The following NXPE2 variants were observed in gnomAD, a reference collection of about 807,000 sequenced individuals.
NXPE2 encodes NXPE family member 2.
A neutral mutation model predicts 34.4 loss-of-function variants in NXPE2; 34 were observed. The observed-to-expected ratio is 0.99, with a 90% confidence interval of 0.75 to 1.31. The LOEUF is 1.31. NXPE2 is among the 40% of genes most tolerant of loss of function. NXPE2 has a pLI of 0.00. For synonymous variants in NXPE2, 235 were observed against 231.3 expected (o/e 1.02, Z -0.15); for missense variants, 649 against 672.5 (o/e 0.97, Z 0.39).
the NXPE2 span, among the ~76,000 whole-genome samples, chr11:114,533,551 A>G: frequency 6.6e-6 from 1 of 152,202 alleles, no homozygotes; most frequent in Non-Finnish European, 1.5e-5. Context: ...GAAAGGGGTG[A>G]CAGATGGCAC....
At chr11:114,624,946 C>T in the NXPE2 span, among the ~76,000 whole-genome samples, 8 of 152,048 alleles carry the variant, frequency 5.3e-5, no homozygotes, top group Non-Finnish European at 1.0e-4. Context: ...CGTGTTGCCT[C>T]GTGAGTAACC....
chr11:114,476,348 C>T, the NXPE2 span, among the ~76,000 whole-genome samples: 6 of 152,248 alleles, frequency 3.9e-5, no homozygotes, highest in Admixed American at 6.5e-5. Context: ...CTTCAGGAGA[C>T]CCATTGCAAC....
the NXPE2 span, among the ~76,000 whole-genome samples, chr11:114,605,068 CCAG>C: frequency 6.1e-4 from 93 of 151,736 alleles, no homozygotes; most frequent in African/African-American, 2.1e-3. Context: ...CCACTGTTAC[CCAG>C]TGGATAATAA....
At chr11:114,778,677 G>A in the NXPE2 span, among the ~76,000 whole-genome samples, 1 of 152,176 alleles carries the variant, frequency 6.6e-6, no homozygotes, top group African/African-American at 2.4e-5. Context: ...TGGGAGGGAG[G>A]AAGGTGACTT....
the NXPE2 span, among the ~76,000 whole-genome samples, chr11:114,651,660 G>A: frequency 7.9e-5 from 12 of 152,218 alleles, no homozygotes; most frequent in African/African-American, 1.7e-4. Context: ...TGATTGGTCC[G>A]TTTTACAGAG....
At chr11:114,561,207 A>T in the NXPE2 span, among the ~76,000 whole-genome samples, 1 of 152,234 alleles carries the variant, frequency 6.6e-6, no homozygotes, top group Non-Finnish European at 1.5e-5. Context: ...GAATTAATAC[A>T]TGTACAACAT....
chr11:114,484,049 C>T, the NXPE2 span, among the ~76,000 whole-genome samples: 11 of 152,198 alleles, frequency 7.2e-5, no homozygotes, highest in South Asian at 2.1e-3. Context: ...GATGGTTGCT[C>T]TTCCATGGAG....
the NXPE2 span, among the ~76,000 whole-genome samples, chr11:114,794,460 G>A: frequency 6.6e-6 from 1 of 152,106 alleles, no homozygotes; most frequent in Non-Finnish European, 1.5e-5. Flanking sequence ...AGTATACTGG[G>A]TGTGAATGTG....
the NXPE2 span, among the ~76,000 whole-genome samples, chr11:114,557,292 C>G: frequency 1.3e-5 from 2 of 152,020 alleles, no homozygotes; most frequent in African/African-American, 2.4e-5. Context: ...AATTTCTACT[C>G]TATTTTGGAA....
At chr11:114,553,774 C>T in the NXPE2 span, 1 of 985,114 alleles carries the variant, frequency 1.0e-6, no homozygotes, top group Non-Finnish European at 1.2e-6. Context: ...TAGAGGTGAG[C>T]TGAACCCAGC....
upstream of NXPE2, among the ~76,000 whole-genome samples, chr11:114,676,182 A>G (rs1372455262): frequency 6.6e-6 from 1 of 151,972 alleles, no homozygotes; most frequent in Non-Finnish European, 1.5e-5. Flanking sequence ...TCTCTTTGAT[A>G]TTGGTATGGT....
At chr11:114,613,915 T>A in the NXPE2 span, among the ~76,000 whole-genome samples, 1 of 152,050 alleles carries the variant, frequency 6.6e-6, no homozygotes, top group Admixed American at 6.6e-5. Context: ...TAACCACTGT[T>A]ACCCAGTGGA....
At chr11:114,760,372 G>A in the NXPE2 span, among the ~76,000 whole-genome samples, 6 of 152,184 alleles carry the variant, frequency 3.9e-5, no homozygotes, top group East Asian at 1.9e-4. Flanking sequence ...CCAGAACCGG[G>A]AGAAATAAAT....
the NXPE2 span, chr11:114,580,172 C>G: frequency 2.5e-6 from 4 of 1,614,012 alleles, no homozygotes; most frequent in Non-Finnish European, 3.4e-6. Flanking sequence ...ACTGGCGGAT[C>G]GTGGAATCTC....
At chr11:114,637,414 T>A in the NXPE2 span, among the ~76,000 whole-genome samples, 15 of 152,034 alleles carry the variant, frequency 9.9e-5, no homozygotes, top group East Asian at 1.7e-3. Flanking sequence ...TGACTCTTTA[T>A]CCAATTTGCC....
chr11:114,802,673 G>A, the NXPE2 span, among the ~76,000 whole-genome samples: 3 of 151,940 alleles, frequency 2.0e-5, no homozygotes, highest in African/African-American at 7.3e-5. Context: ...CCTGTGATAC[G>A]CAGCCTTTTG....
the NXPE2 span, among the ~76,000 whole-genome samples, chr11:114,749,030 C>T: frequency 6.6e-6 from 1 of 152,066 alleles, no homozygotes; most frequent in African/African-American, 2.4e-5. Context: ...TGAGCTATTC[C>T]TTGTTTTCTA....
the NXPE2 span, among the ~76,000 whole-genome samples, chr11:114,719,229 A>G: frequency 5.8e-4 from 89 of 152,284 alleles, no homozygotes; most frequent in African/African-American, 2.0e-3. Context: ...CCCCTCCACT[A>G]CTTCCTCCTT....
the NXPE2 span, among the ~76,000 whole-genome samples, chr11:114,770,815 T>C: frequency 6.6e-6 from 1 of 152,206 alleles, no homozygotes; most frequent in Admixed American, 6.5e-5. Context: ...CTGTGGCCAA[T>C]GTCTTGCACT....
Sources: gnomAD v4.1 joint callset for allele counts (sites outside exome capture counted in the v4.1 genomes callset) on GRCh38, gnomAD v4.1.1 for gene constraint, MANE v1.5 for transcripts, NCBI Gene and HGNC (gene_info 2026-07-23, HGNC 2026-07-21) for gene names.